Variants in BPTF observed in about 807,000 individuals in gnomAD.
BPTF encodes the protein nucleosome-remodeling factor subunit BPTF.
Under a neutral mutation model 292.5 loss-of-function variants are expected in BPTF, and 18 were observed. The ratio of observed to expected loss-of-function variants is 0.06; its 90% CI spans 0.04 to 0.09. BPTF has a LOEUF of 0.09. BPTF is among the 10% of genes least tolerant of loss of function. BPTF has a pLI of 1.00. For missense variants in BPTF, 2,726 were observed against 3,498.7 expected (o/e 0.78, Z 5.57); for synonymous variants, 1,225 against 1,251.9 (o/e 0.98, Z 0.45).
intron 26 of BPTF, among the ~76,000 whole-genome samples, chr17:67,970,477 AGAT>A (rs1555690219): frequency 6.6e-6 from 1 of 152,214 alleles, no homozygotes; most frequent in African/African-American, 2.4e-5. Context: ...AGGTACATAA[AGAT>A]AATAATATAG....
At chr17:67,827,995 G>C (rs1598068775) in intron 1 of BPTF, among the ~76,000 whole-genome samples, 1 of 144,144 alleles carries the variant, frequency 6.9e-6, no homozygotes, top group African/African-American at 2.6e-5. Context: ...GCAGTGTCCT[G>C]ATCTCGGCTC....
intron 16 of BPTF, chr17:67,929,015 C>A: frequency 8.3e-7 from 1 of 1,206,940 alleles, no homozygotes; most frequent in South Asian, 2.2e-5. Context: ...TCAGACGTTC[C>A]AAATTACAGG....
At chr17:67,843,225 C>T (rs59260443) in intron 1 of BPTF, among the ~76,000 whole-genome samples, 4,816 of 139,160 alleles carry the variant, frequency 0.035, 262 homozygotes, top group African/African-American at 0.11. Flanking sequence ...TAGATATATA[C>T]CTATATATCT....
chr17:67,948,012 G>A, intron 22 of BPTF, 69 bp from the exon 23 acceptor site: 1 of 1,465,792 alleles, frequency 6.8e-7, no homozygotes, highest in Non-Finnish European at 9.5e-7. Flanking sequence ...TAGAGGCATA[G>A]AAGAATGATG....
intron 1 of BPTF, among the ~76,000 whole-genome samples, chr17:67,829,750 A>G (rs1232228095): frequency 6.6e-6 from 1 of 152,342 alleles, no homozygotes; most frequent in East Asian, 1.9e-4. Context: ...AATTTACCTT[A>G]TTGGTAATTT....
chr17:67,958,573 C>A (rs2067166990), intron 23 of BPTF, among the ~76,000 whole-genome samples: 1 of 151,876 alleles, frequency 6.6e-6, no homozygotes, highest in Admixed American at 6.6e-5. Context: ...ACTAAAAATA[C>A]AAAAAATTAG....
chr17:67,844,924 G>A (rs887408737), intron 1 of BPTF, among the ~76,000 whole-genome samples: 5 of 151,972 alleles, frequency 3.3e-5, no homozygotes, highest in African/African-American at 9.7e-5. Flanking sequence ...TGTATTTTTA[G>A]TAGAGACAGC....
At chr17:67,830,402 T>A (rs1292921486) in intron 1 of BPTF, among the ~76,000 whole-genome samples, 1 of 152,248 alleles carries the variant, frequency 6.6e-6, no homozygotes, top group Non-Finnish European at 1.5e-5. Flanking sequence ...ATGCCATGAA[T>A]GAACCATAGA....
intron 17 of BPTF, among the ~76,000 whole-genome samples, chr17:67,930,795 A>G (rs976221943): frequency 5.9e-5 from 9 of 151,892 alleles, no homozygotes; most frequent in Non-Finnish European, 1.3e-4. Context: ...AATACAAAAA[A>G]TTAGCTGGGC....
At chr17:67,938,080 G>A (rs1373114786) in intron 18 of BPTF, among the ~76,000 whole-genome samples, 3 of 152,230 alleles carry the variant, frequency 2.0e-5, no homozygotes, top group Non-Finnish European at 4.4e-5. Context: ...CCCTCAGCCT[G>A]GGCAATAGAG....
chr17:67,912,457 A>G lies in BPTF; in HGVS notation c.4573A>G (p.Ser1525Gly), dbSNP rs1438829863. The change falls in exon 11 of 28, where the codon AGC (serine) becomes GGC (glycine). Residue 1525 changes from serine to glycine, a missense_variant. Physicochemically the swap from Ser to Gly is moderately conservative, Grantham distance 56. Transcript: ENST00000306378. ...TTTPSASCPE[S>G]NSVNQVEDME... is the part of the protein sequence containing the mutation. ...CACACCCTCAGCATCTTGTCCAGAA[A>G]GCAATTCAGTTAATCAGGTAGAAGA... 1.2e-6 allele frequency: 2 copies of G among 1,613,896 alleles called. No individual in the cohort carries two copies. The highest frequency in any genetic ancestry group is 1.7e-6 in the Non-Finnish European group (2 of 1,179,962).
At position 67,835,991 on chromosome 17, in the gene BPTF, T is replaced by TTA. The variant is rs1166143357; in HGVS notation, c.613+9663_613+9664dup. On this transcript the variant is annotated intron_variant, in intron 1 of 27. Transcript: ENST00000306378. ...AGTCCTGGTAAAATTAAGCTAAAAG[T>TTA]TATATATATAGGCCAGAAGAGAAGG... 4.6e-5 allele frequency among the ~76,000 whole-genome samples: 7 copies of TTA among 152,198 alleles called. No individual in the cohort carries two copies. The East Asian group carries it at 1.2e-3, about 25-fold the overall frequency.
chr17:67,922,849 C>T lies in BPTF; in HGVS notation c.5567C>T (p.Thr1856Ile). 1.2e-6 allele frequency: 2 copies of T among 1,603,364 alleles called. No individual in the cohort carries two copies. The highest frequency in any genetic ancestry group is 2.2e-5 in the East Asian group (1 of 44,770). ...GVPETPKETP[T>I]PQRKGLRSSA... ...GATTTCCTTTCCAAAGAAACGCCTACACCTCAGAGGAAAGGCCTTCGATCA... is the reference window on the plus strand; with the variant it reads ...GATTTCCTTTCCAAAGAAACGCCTATACCTCAGAGGAAAGGCCTTCGATCA... Residue 1856 changes from threonine to isoleucine, a missense_variant, in exon 14 of 28, where the codon ACA (threonine) becomes ATA (isoleucine). Around this residue, in one of 22 missense-constraint regions of BPTF, gnomAD observed 198 missense variants for 277.1 expected, o/e 0.71. Coordinates refer to ENST00000306378, the MANE Select transcript of BPTF (RefSeq NM_182641.4).
chr17:67,979,420 G>A (rs1439079064), intron 27 of BPTF, among the ~76,000 whole-genome samples: 15 of 151,714 alleles, frequency 9.9e-5, no homozygotes, highest in South Asian at 2.1e-4. Context: ...GGTTGCACAT[G>A]CCTGTAATCC....
At chr17:67,938,371 A>T (rs777704833) in intron 18 of BPTF, among the ~76,000 whole-genome samples, 13 of 152,218 alleles carry the variant, frequency 8.5e-5, no homozygotes, top group Admixed American at 2.0e-4. Flanking sequence ...CCTTGGCCAC[A>T]CTATGTTATG....
intron 26 of BPTF, chr17:67,975,546 GAA>G: frequency 2.2e-6 from 1 of 445,990 alleles, no homozygotes; most frequent in South Asian, 3.5e-5. Flanking sequence ...GAAAGTAAAA[GAA>G]CCTTAACAGC....
At chr17:67,917,783 C>T (rs971000087) in intron 11 of BPTF, among the ~76,000 whole-genome samples, 3 of 152,006 alleles carry the variant, frequency 2.0e-5, no homozygotes, top group Non-Finnish European at 4.4e-5. Context: ...CAGGCATGCA[C>T]CACCATGCCC....
At chr17:67,831,463 AAT>A (rs1363278323) in intron 1 of BPTF, among the ~76,000 whole-genome samples, 2 of 152,206 alleles carry the variant, frequency 1.3e-5, no homozygotes, top group African/African-American at 4.8e-5. Context: ...TGCATTAATA[AAT>A]AGTCTTGCAC....
intron 1 of BPTF, among the ~76,000 whole-genome samples, chr17:67,851,011 A>G (rs1185372628): frequency 6.6e-6 from 1 of 152,154 alleles, no homozygotes; most frequent in Non-Finnish European, 1.5e-5. Context: ...TAATGGAAAG[A>G]GGAGAAGGGA....
Sources: allele counts gnomAD v4.1 joint callset (sites outside exome capture counted in the v4.1 genomes callset), GRCh38; gene constraint gnomAD v4.1.1; regional missense constraint gnomAD v4.1.1; transcripts MANE v1.5; gene names NCBI Gene and HGNC (gene_info 2026-07-23, HGNC 2026-07-21).